Variants in GFRA2 observed in about 807,000 individuals in gnomAD.
GFRA2 encodes GDNF family receptor alpha 2.
In GFRA2, 17 loss-of-function variants were observed where a neutral mutation model predicts 48.3. The ratio of observed to expected loss-of-function variants is 0.35; its 90% CI spans 0.24 to 0.53. The LOEUF (loss-of-function observed/expected upper bound fraction) is 0.53. Ranked by LOEUF, GFRA2 falls within the 20% of genes least tolerant of loss-of-function variation. The pLI is 0.93. For missense variants in GFRA2, 660 were observed against 637.3 expected (o/e 1.04, Z -0.38); for synonymous variants, 305 against 257.2 (o/e 1.19, Z -1.78).
At chr8:21,729,086 C>T (rs1193944041) in intron 4 of GFRA2, among the ~76,000 whole-genome samples, 1 of 152,240 alleles carries the variant, frequency 6.6e-6, no homozygotes, top group African/African-American at 2.4e-5. Flanking sequence ...GCCCAGGTGA[C>T]TCTCTGCTCA....
chr8:21,730,584 T>G (rs1036213322), intron 4 of GFRA2, among the ~76,000 whole-genome samples: 3 of 152,158 alleles, frequency 2.0e-5, no homozygotes, highest in Non-Finnish European at 2.9e-5. Flanking sequence ...CAGTGGCTCC[T>G]CATTCTCCAG....
chr8:21,788,412 G>T lies in GFRA2; in HGVS notation c.-253C>A, dbSNP rs1168596009. On this transcript the variant is annotated 5_prime_UTR_variant, in exon 1 of 9. Transcript: ENST00000524240. ...TTGCCCGCTACAATCAAATATACGC[G>T]TATCTGTGTATCGGCTTTCTAAGCC... The T allele has an allele frequency of 2.3e-6, 3 of 1,295,856 alleles. No individual in the cohort carries two copies. The highest frequency in any genetic ancestry group is 2.0e-6 in the Non-Finnish European group (2 of 1,024,242). 80.3% of individuals were successfully genotyped at this position (1,295,856 alleles called of 1,614,324 possible). A position where few individuals can be genotyped will look rare whatever the true frequency, so the allele number is the denominator to read the frequency against.
chr8:21,804,539 C>G (rs1430964370), intron 2 of GFRA2, among the ~76,000 whole-genome samples: 1 of 152,030 alleles, frequency 6.6e-6, no homozygotes, highest in African/African-American at 2.4e-5. Context: ...GGACAGATGC[C>G]TTACTCTGAG....
chr8:21,765,751 T>G (rs533745554), intron 3 of GFRA2, among the ~76,000 whole-genome samples: 1 of 151,402 alleles, frequency 6.6e-6, no homozygotes, highest in South Asian at 2.1e-4. Flanking sequence ...ACTCTTAATT[T>G]CTGCCCACTG....
intron 4 of GFRA2, among the ~76,000 whole-genome samples, chr8:21,746,808 A>AG (rs1243088625): frequency 6.6e-6 from 1 of 151,426 alleles, no homozygotes; most frequent in Non-Finnish European, 1.5e-5. Flanking sequence ...AAAAAAAAAA[A>AG]GAGAAGGAAA....
chr8:21,759,543 A>AAGGAAGGAAGGAAGGAAGGAAGGG (rs879376871), intron 3 of GFRA2, among the ~76,000 whole-genome samples: 4 of 147,284 alleles, frequency 2.7e-5, no homozygotes, highest in South Asian at 2.2e-4. Context: ...GGAAGGAAGG[A>AAGGAAGGAAGGAAGGAAGGAAGGG]GGGAAGGAAG....
At chr8:21,789,443 C>T (rs1807460515), upstream of GFRA2, among the ~76,000 whole-genome samples, 1 of 152,022 alleles carries the variant, frequency 6.6e-6, no homozygotes, top group Admixed American at 6.6e-5. Context: ...CCGAGCCATC[C>T]GGGGGCTCGG....
chr8:21,730,524 T>C (rs563503185), intron 4 of GFRA2, among the ~76,000 whole-genome samples: 1 of 152,262 alleles, frequency 6.6e-6, no homozygotes, highest in Admixed American at 6.5e-5. Context: ...GGAGCGAAGG[T>C]TTGAGCCTTC....
chr8:21,716,864 TAAC>T (rs1232243867), intron 4 of GFRA2, among the ~76,000 whole-genome samples: 2 of 152,128 alleles, frequency 1.3e-5, no homozygotes, highest in Non-Finnish European at 2.9e-5. Context: ...TGCTTGCAAA[TAAC>T]AACACCTCAC....
chr8:21,807,983 C>G (rs1053615430), intron 1 of GFRA2, among the ~76,000 whole-genome samples: 24 of 152,200 alleles, frequency 1.6e-4, no homozygotes, highest in African/African-American at 5.8e-4. Flanking sequence ...ATGTAATCAT[C>G]TCTTTAAATA....
chr8:21,718,591 G>A (rs1251979898), intron 4 of GFRA2, among the ~76,000 whole-genome samples: 2 of 152,168 alleles, frequency 1.3e-5, no homozygotes, highest in African/African-American at 4.8e-5. Context: ...CTTAGCATGA[G>A]ACACCATGTA....
chr8:21,789,724 T>C (rs1807495631), upstream of GFRA2, among the ~76,000 whole-genome samples: 1 of 151,626 alleles, frequency 6.6e-6, no homozygotes. Context: ...GCGGCGCGCT[T>C]GCCTCCCGCC....
Position 21,788,749 on chromosome 8 carries a change from G to A in GFRA2, c.-590C>T, listed in dbSNP as rs1162934507. 1.0e-6 allele frequency: 1 copy of A among 985,356 alleles called. No individual in the cohort carries two copies. Among genetic ancestry groups the A allele is most frequent in the Non-Finnish European group, 1.2e-6 (1 of 829,934 alleles). The allele number at this position is 985,356 out of a possible 1,614,324, so 61.0% of individuals were successfully genotyped here. ...AAAAAATCTTCTCCCGCTAACCCTTGCTCGGCTCACTTTTTTCTAATGGAA... is the reference window on the plus strand; with the variant it reads ...AAAAAATCTTCTCCCGCTAACCCTTACTCGGCTCACTTTTTTCTAATGGAA... On this transcript the variant is annotated 5_prime_UTR_variant, in exon 1 of 9. Coordinates refer to ENST00000524240, the MANE Select transcript of GFRA2 (RefSeq NM_001495.5).
intron 4 of GFRA2, among the ~76,000 whole-genome samples, chr8:21,715,412 G>A (rs150187907): frequency 2.2e-4 from 33 of 152,330 alleles, no homozygotes; most frequent in Admixed American, 1.9e-3. Flanking sequence ...AGGTTCAGGC[G>A]ATTCTTCTGC....
chr8:21,730,395 C>A (rs1323058510), intron 4 of GFRA2, among the ~76,000 whole-genome samples: 1 of 106,270 alleles, frequency 9.4e-6, no homozygotes, highest in Non-Finnish European at 2.3e-5. Context: ...AAGAGCAAAA[C>A]TCTGTCTCAA....
At chr8:21,706,298 G>T (rs187541696) in intron 4 of GFRA2, 1,215 of 609,370 alleles carry the variant, frequency 2.0e-3, no homozygotes, top group Non-Finnish European at 3.2e-3. Flanking sequence ...CTGACAAAAA[G>T]GACCCCTCAA....
intron 4 of GFRA2, among the ~76,000 whole-genome samples, chr8:21,709,239 T>A (rs1266073301): frequency 6.6e-6 from 1 of 152,182 alleles, no homozygotes; most frequent in Non-Finnish European, 1.5e-5. Flanking sequence ...GACCCACCAG[T>A]CCCTCCCCAT....
chr8:21,695,039 A>G (rs888568668), intron 7 of GFRA2, among the ~76,000 whole-genome samples: 2 of 152,226 alleles, frequency 1.3e-5, no homozygotes, highest in Admixed American at 1.3e-4. Flanking sequence ...CTTGAGGGGA[A>G]GAGAGGCATG....
intron 2 of GFRA2, among the ~76,000 whole-genome samples, chr8:21,775,483 A>G (rs1806647959): frequency 6.6e-6 from 1 of 152,168 alleles, no homozygotes; most frequent in Non-Finnish European, 1.5e-5. Flanking sequence ...GAGGGCTCTG[A>G]GGTGGCCCGG....
Sources: gnomAD v4.1 joint callset for allele counts (sites outside exome capture counted in the v4.1 genomes callset) on GRCh38, gnomAD v4.1.1 for gene constraint, MANE v1.5 for transcripts, NCBI Gene and HGNC (gene_info 2026-07-23, HGNC 2026-07-21) for gene names.